The following ADAM2 variants were observed in gnomAD, a reference collection of about 807,000 sequenced individuals.
The protein encoded by ADAM2 is ADAM metallopeptidase domain 2.
A neutral mutation model predicts 99.3 loss-of-function variants in ADAM2; 101 were observed. The ratio of observed to expected loss-of-function variants is 1.02; its 90% CI spans 0.87 to 1.20. ADAM2 has a LOEUF of 1.20. Among genes scored for constraint, ADAM2 ranks in the 50% most tolerant of loss-of-function variants. The pLI, the probability that ADAM2 is intolerant of heterozygous loss-of-function variation, is 0.00. For missense variants in ADAM2, 948 were observed against 878.7 expected, an observed-to-expected ratio of 1.08 and a Z score of -1.00; for synonymous variants, 323 against 287.6, an observed-to-expected ratio of 1.12 and a Z score of -1.25.
intron 18 of ADAM2, among the ~76,000 whole-genome samples, chr8:39,746,837 T>G (rs1176326108): frequency 3.3e-5 from 5 of 152,154 alleles, no homozygotes; most frequent in African/African-American, 1.2e-4. Context: ...TAGCTATATA[T>G]GGTGGGCTGA....
Position 39,809,469 on chromosome 8 carries a change from GA to G in ADAM2, c.514-4del. ...TACTTTGCAAAATCTTGCTGTGGCTGAAAAAATCCACAAATTTTACATCAAA... is the reference window on the plus strand; with the variant it reads ...TACTTTGCAAAATCTTGCTGTGGCTGAAAAATCCACAAATTTTACATCAAA... On this transcript the variant is annotated splice_polypyrimidine_tract_variant and splice_region_variant and intron_variant, in intron 6 of 20. Coordinates refer to ENST00000265708, the MANE Select transcript of ADAM2 (RefSeq NM_001464.5). 5.0e-6 allele frequency: 7 copies of G among 1,394,962 alleles called. No individual in the cohort carries two copies. Among genetic ancestry groups the G allele is most frequent in the Admixed American group, 1.9e-5 (1 of 53,520 alleles). The allele number at this position is 1,394,962 out of a possible 1,614,324, so 86.4% of individuals were successfully genotyped here.
At chr8:39,804,239 A>G (rs1035253716) in intron 7 of ADAM2, among the ~76,000 whole-genome samples, 1 of 152,198 alleles carries the variant, frequency 6.6e-6, no homozygotes, top group East Asian at 1.9e-4. Context: ...GTTGTGAACA[A>G]ATTATTTGAT....
chr8:39,747,841 A>T (rs1299693689), intron 18 of ADAM2, among the ~76,000 whole-genome samples: 2 of 152,164 alleles, frequency 1.3e-5, no homozygotes, highest in Non-Finnish European at 2.9e-5. Flanking sequence ...ACGTGTTTTT[A>T]AACTGTCCTT....
chr8:39,794,720 A>G (rs1803866850), intron 7 of ADAM2, among the ~76,000 whole-genome samples: 1 of 152,012 alleles, frequency 6.6e-6, no homozygotes, highest in Admixed American at 6.6e-5. Flanking sequence ...TCAATCAATC[A>G]TGACCCTCTC....
intron 7 of ADAM2, among the ~76,000 whole-genome samples, chr8:39,795,504 T>C (rs750246718): frequency 1.3e-5 from 2 of 152,120 alleles, no homozygotes; most frequent in African/African-American, 2.4e-5. Context: ...TATTGATAAC[T>C]CCTTCAATCA....
chr8:39,788,288 C>G (rs770246792), intron 8 of ADAM2, 37 bp from the exon 9 acceptor site: 2 of 1,343,984 alleles, frequency 1.5e-6, no homozygotes, highest in Admixed American at 2.6e-5. Context: ...GCTCAAAAGT[C>G]ACAGTTTTTA....
chr8:39,831,531 A>G (rs970703135), intron 3 of ADAM2, among the ~76,000 whole-genome samples: 1 of 152,216 alleles, frequency 6.6e-6, no homozygotes, highest in African/African-American at 2.4e-5. Context: ...GTAGAAAAAT[A>G]GCAATAATCA....
At chr8:39,751,125 C>T (rs1047928945) in intron 16 of ADAM2, among the ~76,000 whole-genome samples, 5 of 152,024 alleles carry the variant, frequency 3.3e-5, no homozygotes, top group Non-Finnish European at 5.9e-5. Flanking sequence ...CAATGCATAC[C>T]TCCATTTAAG....
chr8:39,811,864 G>C (rs936951641), intron 6 of ADAM2, among the ~76,000 whole-genome samples: 2 of 152,134 alleles, frequency 1.3e-5, no homozygotes, highest in African/African-American at 4.8e-5. Flanking sequence ...TTGAAAACTG[G>C]CACAAGACAG....
intron 6 of ADAM2, 106 bp downstream of exon 6, chr8:39,820,896 T>C: frequency 1.6e-6 from 1 of 633,442 alleles, no homozygotes; most frequent in Non-Finnish European, 2.6e-6. Flanking sequence ...TGGCTATATG[T>C]TTTGGTGTTT....
At position 39,835,540 on chromosome 8, in the gene ADAM2, G is replaced by C. The variant is rs377025407; in HGVS notation, c.133-1541C>G. The stretch of plus-strand genomic sequence containing the variant: ...TACTAAAAATACAAAAAAACTAGCT[G>C]GGCTTGGTGGCAGGTGCCTGTAGTC... On this transcript the variant is annotated intron_variant, in intron 2 of 20. Coordinates refer to ENST00000265708, the MANE Select transcript of ADAM2 (RefSeq NM_001464.5). Among the ~76,000 whole-genome samples, 8 of 152,118 alleles carry C rather than the reference G, an allele frequency of 5.3e-5. No homozygotes were observed. In the East Asian group the frequency reaches 9.7e-4, roughly 18 times the overall value.
chr8:39,791,408 A>C (rs1415082427), intron 7 of ADAM2, among the ~76,000 whole-genome samples: 1 of 152,030 alleles, frequency 6.6e-6, no homozygotes, highest in Non-Finnish European at 1.5e-5. Context: ...TGGTTCATGA[A>C]TTGTATTGAA....
At chr8:39,763,335 T>G (rs187917602) in intron 14 of ADAM2, among the ~76,000 whole-genome samples, 3 of 152,258 alleles carry the variant, frequency 2.0e-5, no homozygotes, top group East Asian at 1.9e-4. Context: ...CTCCCAACAG[T>G]GCAAAAACTG....
chr8:39,815,992 G>A (rs192205078), intron 6 of ADAM2, among the ~76,000 whole-genome samples: 91 of 151,988 alleles, frequency 6.0e-4, no homozygotes, highest in South Asian at 5.2e-3. Flanking sequence ...GGTAATAAAT[G>A]TTGAAAAAAA....
intron 1 of ADAM2, 118 bp downstream of exon 1, chr8:39,838,013 T>G: frequency 9.0e-7 from 1 of 1,111,982 alleles, no homozygotes; most frequent in South Asian, 1.3e-5. Flanking sequence ...AGCTTGGAAT[T>G]GCTGAGTTGG....
intron 15 of ADAM2, among the ~76,000 whole-genome samples, chr8:39,758,275 T>A (rs1055331484): frequency 6.6e-6 from 1 of 152,124 alleles, no homozygotes; most frequent in Non-Finnish European, 1.5e-5. Context: ...TGAAATTTAC[T>A]CTCAAATATT....
intron 16 of ADAM2, among the ~76,000 whole-genome samples, chr8:39,754,725 T>C (rs1320454033): frequency 6.6e-6 from 1 of 152,248 alleles, no homozygotes; most frequent in Admixed American, 6.5e-5. Context: ...GCTTACTGTA[T>C]TCTGTTACTT....
chr8:39,838,007 T>G, intron 1 of ADAM2, 124 bp downstream of exon 1: 1 of 1,051,986 alleles, frequency 9.5e-7, no homozygotes, highest in Non-Finnish European at 1.4e-6. Flanking sequence ...GGGATGAGCT[T>G]GGAATTGCTG....
intron 7 of ADAM2, among the ~76,000 whole-genome samples, chr8:39,793,657 G>C (rs1478816630): frequency 6.6e-6 from 1 of 152,128 alleles, no homozygotes; most frequent in African/African-American, 2.4e-5. Context: ...CAGGGCAAAA[G>C]AAATTTCCAG....
Sources: allele counts gnomAD v4.1 joint callset (sites outside exome capture counted in the v4.1 genomes callset), GRCh38; gene constraint gnomAD v4.1.1; transcripts MANE v1.5; gene names NCBI Gene and HGNC (gene_info 2026-07-23, HGNC 2026-07-21).